The following GALNT17 variants were observed in gnomAD, a reference collection of about 807,000 sequenced individuals.
The protein encoded by GALNT17 is polypeptide N-acetylgalactosaminyltransferase 17.
Under a neutral mutation model 63.7 loss-of-function variants are expected in GALNT17, and 29 were observed. That is an observed-to-expected ratio of 0.46 (90% CI 0.34 to 0.62). The LOEUF is 0.62. Among genes scored for constraint, GALNT17 ranks in the 20% least tolerant of loss-of-function variants. GALNT17 has a pLI of 0.01. For missense variants in GALNT17, 603 were observed against 799.6 expected (o/e 0.75, Z 2.97); for synonymous variants, 305 against 318.3 (o/e 0.96, Z 0.45).
At chr7:71,325,279 C>G (rs1454016955) in intron 1 of GALNT17, among the ~76,000 whole-genome samples, 3 of 152,184 alleles carry the variant, frequency 2.0e-5, no homozygotes, top group Non-Finnish European at 4.4e-5. Flanking sequence ...GAGACGCGGA[C>G]CGGCAGGAGG....
At chr7:71,515,619 C>T (rs1424326558) in intron 5 of GALNT17, among the ~76,000 whole-genome samples, 2 of 152,150 alleles carry the variant, frequency 1.3e-5, no homozygotes, top group African/African-American at 2.4e-5. Flanking sequence ...TAAATTGGCT[C>T]ATCTTTCTTT....
At chr7:71,350,837 A>G (rs1200218575) in intron 2 of GALNT17, among the ~76,000 whole-genome samples, 1 of 152,182 alleles carries the variant, frequency 6.6e-6, no homozygotes, top group Non-Finnish European at 1.5e-5. Context: ...AGGATAAAAC[A>G]GCAGCTCAAA....
chr7:71,384,062 A>C (rs1424327594), intron 2 of GALNT17, among the ~76,000 whole-genome samples: 1 of 152,106 alleles, frequency 6.6e-6, no homozygotes, highest in African/African-American at 2.4e-5. Flanking sequence ...TCAACAGTGC[A>C]CAAGGGTTTC....
intron 3 of GALNT17, among the ~76,000 whole-genome samples, chr7:71,396,442 ATTT>A (rs1181908666): frequency 6.6e-6 from 1 of 152,066 alleles, no homozygotes; most frequent in African/African-American, 2.4e-5. Context: ...ATGAGGAGTT[ATTT>A]TGGGACTCTC....
chr7:71,167,374 A>G (rs1371140037), intron 1 of GALNT17, among the ~76,000 whole-genome samples: 2 of 151,800 alleles, frequency 1.3e-5, no homozygotes, highest in Non-Finnish European at 2.9e-5. Context: ...TTATGTGTTT[A>G]TTTGTCATTT....
chr7:71,263,737 C>A (rs1225766044), intron 1 of GALNT17, among the ~76,000 whole-genome samples: 2 of 152,110 alleles, frequency 1.3e-5, no homozygotes, highest in South Asian at 2.1e-4. Flanking sequence ...TCCTGGCTAA[C>A]ACGGTGAAAC....
chr7:71,558,630 G>A (rs1789203348), intron 5 of GALNT17, among the ~76,000 whole-genome samples: 2 of 151,934 alleles, frequency 1.3e-5, no homozygotes, highest in Admixed American at 6.6e-5. Flanking sequence ...ATAAAGTGTC[G>A]ATGGCTGACA....
chr7:71,554,076 A>T (rs889369617), intron 5 of GALNT17, among the ~76,000 whole-genome samples: 2 of 152,168 alleles, frequency 1.3e-5, no homozygotes, highest in Non-Finnish European at 2.9e-5. Flanking sequence ...TTCAGGCAAG[A>T]TATCCACCCA....
intron 2 of GALNT17, among the ~76,000 whole-genome samples, chr7:71,355,602 G>A (rs1419303653): frequency 6.6e-6 from 1 of 151,776 alleles, no homozygotes; most frequent in African/African-American, 2.4e-5. Context: ...GCATGATCTC[G>A]GCCCACTGCA....
chr7:71,633,243 C>A (rs1790482574), intron 6 of GALNT17, among the ~76,000 whole-genome samples: 1 of 152,054 alleles, frequency 6.6e-6, no homozygotes, highest in Non-Finnish European at 1.5e-5. Flanking sequence ...CTCGCCATGT[C>A]CCAGGCACAG....
chr7:71,500,777 C>T (rs1295594074), intron 5 of GALNT17, among the ~76,000 whole-genome samples: 2 of 152,124 alleles, frequency 1.3e-5, no homozygotes, highest in Non-Finnish European at 2.9e-5. Context: ...GATCACCAAC[C>T]CCAAGTGGCC....
intron 6 of GALNT17, among the ~76,000 whole-genome samples, chr7:71,646,940 G>A (rs912697980): frequency 2.0e-5 from 3 of 151,638 alleles, no homozygotes; most frequent in Non-Finnish European, 4.4e-5. Context: ...TAGAGATGGG[G>A]TTTCACCGTG....
rs549150946 is a variant in GALNT17, at chr7:71,525,509, T to G, written c.963-45776T>G. ...GCGTGAGCCACCGCACCCGGCCAACTGTTCTTGTGGTAATGAGTAAGTCTC... is the reference window on the plus strand; with the variant it reads ...GCGTGAGCCACCGCACCCGGCCAACGGTTCTTGTGGTAATGAGTAAGTCTC... On this transcript the variant is annotated intron_variant, in intron 5 of 10. Coordinates refer to ENST00000333538, the MANE Select transcript of GALNT17 (RefSeq NM_022479.3). 8.6e-5 allele frequency among the ~76,000 whole-genome samples: 13 copies of G among 151,182 alleles called. 1 individual carries two copies. Among genetic ancestry groups the G allele is most frequent in the Admixed American group, 8.6e-4 (13 of 15,184 alleles).
chr7:71,613,446 A>G (rs1235033871), intron 6 of GALNT17, among the ~76,000 whole-genome samples: 1 of 152,214 alleles, frequency 6.6e-6, no homozygotes, highest in African/African-American at 2.4e-5. Flanking sequence ...GAGAATGTCA[A>G]AAGGTCAGCA....
At chr7:71,234,366 A>G (rs1789847058) in intron 1 of GALNT17, among the ~76,000 whole-genome samples, 1 of 152,094 alleles carries the variant, frequency 6.6e-6, no homozygotes, top group African/African-American at 2.4e-5. Flanking sequence ...GGTTCAAGCT[A>G]TTCTTGTGGC....
intron 5 of GALNT17, among the ~76,000 whole-genome samples, chr7:71,555,200 C>G (rs66782258): frequency 6.7e-6 from 1 of 150,086 alleles, no homozygotes; most frequent in Non-Finnish European, 1.5e-5. Context: ...TCAGGCCCCA[C>G]CCACAACTCT....
chr7:71,553,470 G>C (rs35601662), intron 5 of GALNT17, among the ~76,000 whole-genome samples: 19,039 of 152,094 alleles, frequency 0.13, 1,828 homozygotes, highest in East Asian at 0.5. Flanking sequence ...CTAGGTCTAA[G>C]ACATGTTTAT....
At chr7:71,669,404 G>C (rs943894763) in intron 7 of GALNT17, among the ~76,000 whole-genome samples, 3 of 151,874 alleles carry the variant, frequency 2.0e-5, no homozygotes, top group African/African-American at 7.2e-5. Context: ...CCAGCTACTG[G>C]GGAGGCTGAG....
At chr7:71,587,838 T>C (rs942749977) in intron 6 of GALNT17, among the ~76,000 whole-genome samples, 6 of 152,164 alleles carry the variant, frequency 3.9e-5, no homozygotes, top group Admixed American at 3.9e-4. Flanking sequence ...TGCCTGTAAC[T>C]GATGAAGGAA....
Sources: gnomAD v4.1 joint callset for allele counts (sites outside exome capture counted in the v4.1 genomes callset) on GRCh38, gnomAD v4.1.1 for gene constraint, MANE v1.5 for transcripts, NCBI Gene and HGNC (gene_info 2026-07-23, HGNC 2026-07-21) for gene names.